Variants in PTPRK observed in about 807,000 individuals in gnomAD.
The protein encoded by PTPRK is protein tyrosine phosphatase receptor type K, also known as receptor-type tyrosine-protein phosphatase kappa.
A neutral mutation model predicts 178.0 loss-of-function variants in PTPRK; 75 were observed. That is an observed-to-expected ratio of 0.42 (90% CI 0.35 to 0.51). The LOEUF is 0.51. Ranked by LOEUF, PTPRK falls within the 20% of genes least tolerant of loss-of-function variation. PTPRK has a pLI of 0.02. For synonymous variants in PTPRK, 637 were observed against 620.6 expected (o/e 1.03, Z -0.39); for missense variants, 1,441 against 1,797.8 (o/e 0.80, Z 3.59).
intron 1 of PTPRK, among the ~76,000 whole-genome samples, chr6:128,506,878 A>G (rs1429926462): frequency 6.6e-6 from 1 of 152,042 alleles, no homozygotes; most frequent in Non-Finnish European, 1.5e-5. Context: ...GTAGTTAGAG[A>G]TTTTAAGAGA....
At chr6:128,144,993 C>T (rs1010088997) in intron 7 of PTPRK, among the ~76,000 whole-genome samples, 1 of 152,102 alleles carries the variant, frequency 6.6e-6, no homozygotes, top group African/African-American at 2.4e-5. Context: ...ACTGTGGTGA[C>T]AGTAAATTTT....
In PTPRK at chr6:128,493,361, G is replaced by A. The variant is rs1401028750; in HGVS notation, c.100+26898C>T. ...GCTGATCACGAGGTCAGGAGATCAA[G>A]ACCATCCTGGCTAACACAGTGAAAC... On this transcript the variant is annotated intron_variant, in intron 1 of 29. Transcript: ENST00000368226. Among the ~76,000 whole-genome samples the A allele has an allele frequency of 3.9e-5, 6 of 152,162 alleles. No individual in the cohort carries two copies. The East Asian group carries it at 7.7e-4, about 20-fold the overall frequency.
chr6:128,237,229 G>A (rs903060042), intron 5 of PTPRK, among the ~76,000 whole-genome samples: 13 of 152,164 alleles, frequency 8.5e-5, no homozygotes, highest in African/African-American at 3.1e-4. Context: ...GCCAATTGAA[G>A]CTCAATACTA....
chr6:128,277,631 C>T lies in PTPRK; in HGVS notation c.496-35029G>A, dbSNP rs576391547. Among the ~76,000 whole-genome samples the T allele has an allele frequency of 3.3e-5, 5 of 152,264 alleles. No homozygotes were observed. The South Asian group carries it at 1.0e-3, about 32-fold the overall frequency. ...GGAAGTCCATGTTGAGCTTTCATCT[C>T]CTGGCCAAAGAAGTGAAGGTTGGGG... is the stretch of plus-strand genomic sequence containing the variant. On this transcript the variant is annotated intron_variant, in intron 3 of 29. Transcript: ENST00000368226.
intron 6 of PTPRK, among the ~76,000 whole-genome samples, chr6:128,193,279 T>TAAAAAAAAAAAAAAAAA (rs1554338433): frequency 5.2e-5 from 1 of 19,394 alleles, no homozygotes; most frequent in African/African-American, 1.6e-4. Flanking sequence ...ATCCAGCTTG[T>TAAAAAAAAAAAAAAAAA]GAAAAAAAAA....
chr6:128,356,158 C>T lies in PTPRK; in HGVS notation c.224-33848G>A, dbSNP rs77642020. 2.7e-3 allele frequency among the ~76,000 whole-genome samples: 417 copies of T among 152,188 alleles called. 2 individuals carry two copies. The highest frequency in any genetic ancestry group is 9.6e-3 in the African/African-American group (398 of 41,520). ...CTTTTATCTTCTTCCAGTCCCTCTC[C>T]CCACATCAAACATCAATTAAACCCC... On this transcript the variant is annotated intron_variant, in intron 2 of 29. Coordinates refer to ENST00000368226, the MANE Select transcript of PTPRK (RefSeq NM_002844.4).
chr6:128,410,202 C>A (rs986254320), intron 1 of PTPRK, among the ~76,000 whole-genome samples: 2 of 152,150 alleles, frequency 1.3e-5, no homozygotes, highest in Non-Finnish European at 2.9e-5. Flanking sequence ...GTCTAAGATT[C>A]TTTCATGAAA....
chr6:128,153,883 T>C (rs1326468197), intron 7 of PTPRK, among the ~76,000 whole-genome samples: 2 of 151,906 alleles, frequency 1.3e-5, no homozygotes, highest in Non-Finnish European at 2.9e-5. Flanking sequence ...TTTTATACTA[T>C]CCAGTATAAA....
intron 3 of PTPRK, among the ~76,000 whole-genome samples, chr6:128,281,154 C>G (rs1196955104): frequency 6.6e-6 from 1 of 152,124 alleles, no homozygotes; most frequent in African/African-American, 2.4e-5. Context: ...ACATGATCCA[C>G]TCTGCTGAAC....
chr6:128,191,552 T>G (rs1803785947), intron 6 of PTPRK, among the ~76,000 whole-genome samples: 1 of 151,934 alleles, frequency 6.6e-6, no homozygotes, highest in African/African-American at 2.4e-5. Flanking sequence ...TTTCAACATT[T>G]CTATGAGAGT....
chr6:128,286,046 T>C (rs1265817657), intron 3 of PTPRK, among the ~76,000 whole-genome samples: 1 of 152,056 alleles, frequency 6.6e-6, no homozygotes, highest in East Asian at 1.9e-4. Context: ...AAAGCTGTTG[T>C]CTCTGTAACC....
chr6:128,353,866 C>T (rs1252056574), intron 2 of PTPRK, among the ~76,000 whole-genome samples: 4 of 152,054 alleles, frequency 2.6e-5, no homozygotes, highest in Non-Finnish European at 5.9e-5. Context: ...CATATGACTG[C>T]GTATAAAACT....
At chr6:128,447,202 A>G (rs2128403597) in intron 1 of PTPRK, among the ~76,000 whole-genome samples, 1 of 152,366 alleles carries the variant, frequency 6.6e-6, no homozygotes, top group South Asian at 2.1e-4. Context: ...TGGTAGTGAA[A>G]AGCCCTGCCA....
chr6:128,039,579 T>A (rs1002030471), intron 13 of PTPRK, among the ~76,000 whole-genome samples: 2 of 152,198 alleles, frequency 1.3e-5, no homozygotes, highest in African/African-American at 4.8e-5. Flanking sequence ...AAAGGAAGTA[T>A]TAGTAAATTC....
chr6:128,363,794 G>A (rs1207598667), intron 2 of PTPRK, among the ~76,000 whole-genome samples: 1 of 152,060 alleles, frequency 6.6e-6, no homozygotes, highest in Non-Finnish European at 1.5e-5. Flanking sequence ...AAAAAGGAAG[G>A]TCTTCCTTTG....
chr6:128,013,949 T>C (rs1182006932), intron 13 of PTPRK, among the ~76,000 whole-genome samples: 2 of 151,528 alleles, frequency 1.3e-5, no homozygotes, highest in Non-Finnish European at 3.0e-5. Flanking sequence ...AGCCCTCCAA[T>C]AGCTTCCCAT....
chr6:128,323,840 T>C (rs924431766), intron 2 of PTPRK, among the ~76,000 whole-genome samples: 22 of 152,214 alleles, frequency 1.4e-4, no homozygotes, highest in Admixed American at 7.2e-4. Context: ...TCTTTTTTTT[T>C]TCTCTCTTTC....
intron 5 of PTPRK, among the ~76,000 whole-genome samples, chr6:128,239,573 AAACTCAAAAATTT>A (rs374909679): frequency 2.0e-4 from 31 of 152,208 alleles, no homozygotes; most frequent in Admixed American, 5.9e-4. Flanking sequence ...ATTAACCCTC[AAACTCAAAAATTT>A]AATTGGCTCT....
At chr6:128,328,971 T>C (rs914690662) in intron 2 of PTPRK, among the ~76,000 whole-genome samples, 8 of 152,222 alleles carry the variant, frequency 5.3e-5, no homozygotes, top group South Asian at 4.1e-4. Context: ...TTATGTAACC[T>C]CTGGGAAATT....
Sources: allele counts gnomAD v4.1 joint callset (sites outside exome capture counted in the v4.1 genomes callset), GRCh38; gene constraint gnomAD v4.1.1; transcripts MANE v1.5; gene names NCBI Gene and HGNC (gene_info 2026-07-23, HGNC 2026-07-21).